Variants in SETDB1 observed in about 807,000 individuals in gnomAD.
The protein encoded by SETDB1 is SET domain bifurcated histone lysine methyltransferase 1.
SETDB1 carries 31 observed loss-of-function variants against 137.4 expected under a neutral mutation model. The observed-to-expected ratio is 0.23, with a 90% CI of 0.17 to 0.30. The LOEUF (loss-of-function observed/expected upper bound fraction) is 0.30, where lower values mean the gene tolerates loss of function less well. Ranked by LOEUF, SETDB1 falls within the 10% of genes least tolerant of loss-of-function variation. The pLI is 1.00. For synonymous variants in SETDB1, 548 were observed against 579.9 expected (o/e 0.95, Z 0.79); for missense variants, 1,113 against 1,631.5 (o/e 0.68, Z 5.47).
intron 7 of SETDB1, among the ~76,000 whole-genome samples, chr1:150,943,419 G>T (rs994087694): frequency 2.0e-5 from 3 of 152,216 alleles, no homozygotes; most frequent in Non-Finnish European, 2.9e-5. Flanking sequence ...TCTCATCCCT[G>T]TAATCTTAGC....
chr1:150,929,220 AGT>A (rs1669644322), intron 2 of SETDB1, among the ~76,000 whole-genome samples: 1 of 152,188 alleles, frequency 6.6e-6, no homozygotes, highest in South Asian at 2.1e-4. Flanking sequence ...ACAGTGTAAA[AGT>A]GTTCCTGTTT....
chr1:150,941,892 A>T (rs1179332851), intron 5 of SETDB1, among the ~76,000 whole-genome samples: 1 of 152,148 alleles, frequency 6.6e-6, no homozygotes, highest in Non-Finnish European at 1.5e-5. Flanking sequence ...CTGTAATCCC[A>T]GCACTTTGGG....
chr1:150,950,347 A>G, intron 12 of SETDB1, 111 bp from the exon 13 acceptor site: 4 of 928,856 alleles, frequency 4.3e-6, no homozygotes, highest in Non-Finnish European at 6.6e-6. Flanking sequence ...CTTTAGCTTC[A>G]GGAGCACAGC....
In SETDB1 at chr1:150,945,066, A is replaced by T; in HGVS notation, c.1098A>T (p.Arg366=). ...GGGAAGGCACGTGGTGGAAGTCCCGAGTTGAGGAGGTGGATGGCAGCCTAG... is the reference window on the plus strand; with the variant it reads ...GGGAAGGCACGTGGTGGAAGTCCCGTGTTGAGGAGGTGGATGGCAGCCTAG... ...TEWEGTWWKS[R]VEEVDGSLVR... Residue 366 remains arginine (R), a synonymous_variant, in exon 9 of 22, where the codon CGA becomes CGT. Transcript: ENST00000692827. The T allele has an allele frequency of 6.2e-7, 1 of 1,614,028 alleles. No individual in the cohort carries two copies.
intron 13 of SETDB1, 43 bp downstream of exon 13, chr1:150,951,133 T>C: frequency 1.3e-6 from 2 of 1,570,146 alleles, no homozygotes; most frequent in Non-Finnish European, 1.7e-6. Flanking sequence ...TCCAACTTTG[T>C]TATGGTGTCT....
chr1:150,963,214 TAAA>T, intron 19 of SETDB1, 75 bp downstream of exon 19: 1 of 1,393,190 alleles, frequency 7.2e-7, no homozygotes, highest in Non-Finnish European at 9.9e-7. Context: ...TTAAGGAAGC[TAAA>T]GAAGTAGTGG....
chr1:150,949,010 C>G (rs1399534065), intron 10 of SETDB1, 112 bp from the exon 11 acceptor site: 2 of 1,105,818 alleles, frequency 1.8e-6, no homozygotes, highest in African/African-American at 3.1e-5. Flanking sequence ...AGAGCCACTG[C>G]GCCCAGCCAT....
Position 150,960,928 on chromosome 1 carries a change from C to T in SETDB1, c.2869C>T (p.His957Tyr), listed in dbSNP as rs1670797368. The stretch of plus-strand genomic sequence containing the variant: ...CCACCCCCCAGATCTTGGACCCCCA[C>T]ATATTCCTGTTCCTCCCTCAATCCC... ...DSHPPDLGPP[H>Y]IPVPPSIPVG... The change falls in exon 16 of 22, where the codon CAT (histidine) becomes TAT (tyrosine). Residue 957 changes from histidine to tyrosine, a missense_variant. Around this residue, in one of 11 missense-constraint regions of SETDB1, gnomAD observed 373 missense variants for 412.7 expected, o/e 0.90. Coordinates refer to ENST00000692827, the MANE Select transcript of SETDB1 (RefSeq NM_001366418.1). 1 of 1,613,576 alleles carries T rather than the reference C, an allele frequency of 6.2e-7. No homozygotes were observed. Among genetic ancestry groups the T allele is most frequent in the Middle Eastern group, 1.7e-4 (1 of 6,060 alleles).
chr1:150,942,017 G>A (rs1226574937), intron 5 of SETDB1, among the ~76,000 whole-genome samples: 1 of 151,866 alleles, frequency 6.6e-6, no homozygotes, highest in Non-Finnish European at 1.5e-5. Context: ...GCGCACGCCT[G>A]TAATCTCAGC....
At chr1:150,946,805 T>A in intron 9 of SETDB1, 81 bp from the exon 10 acceptor site, 1 of 1,510,142 alleles carries the variant, frequency 6.6e-7, no homozygotes, top group Non-Finnish European at 9.1e-7. Flanking sequence ...AGGTGACACA[T>A]GGTATATATC....
Position 150,950,374 on chromosome 1 carries a change from G to C in SETDB1, c.1584-84G>C, listed in dbSNP as rs114341286. 192 of 1,208,922 alleles carry C rather than the reference G, an allele frequency of 1.6e-4. No homozygotes were observed. The African/African-American group carries it at 2.2e-3, about 14-fold the overall frequency. 74.9% of individuals were successfully genotyped at this position (1,208,922 alleles called of 1,614,324 possible). A position where few individuals can be genotyped will look rare whatever the true frequency, so the allele number is the denominator to read the frequency against. On this transcript the variant is annotated intron_variant, in intron 12 of 21. Transcript: ENST00000692827. ...GAGCACAGCTGTTTGAAAGATGAGA[G>C]AAATGGCTTAGCTACCTGGAGGGTT...
intron 16 of SETDB1, 56 bp downstream of exon 16, chr1:150,961,247 A>T: frequency 2.6e-6 from 4 of 1,537,268 alleles, no homozygotes; most frequent in Non-Finnish European, 3.6e-6. Flanking sequence ...TGCAGTAACA[A>T]TGCAGTCTCA....
At chr1:150,951,115 C>T in intron 13 of SETDB1, 25 bp downstream of exon 13, 1 of 1,587,320 alleles carries the variant, frequency 6.3e-7, no homozygotes, top group African/African-American at 1.3e-5. Context: ...GGAATTGCTG[C>T]CCCTGCTTCC....
rs1196529420 is a variant in SETDB1 at position 150,950,961 on chromosome 1, A to G, written c.2087A>G (p.Asn696Ser). The G allele has an allele frequency of 6.2e-7, 1 of 1,614,090 alleles. No homozygotes were observed. Among genetic ancestry groups the G allele is most frequent in the Admixed American group, 1.7e-5 (1 of 60,000 alleles). ...GAAGATGTTCCCCTATCCTGTGTCA[A>G]TGAGATTGACACAACCCCTCCACCC... ...GKEDVPLSCV[N>S]EIDTTPPPQV... Residue 696 changes from asparagine (N) to serine (S), a missense_variant, in exon 13 of 22, where the codon AAT becomes AGT. By Grantham distance (46) the Asn-to-Ser change is conservative. Transcript: ENST00000692827.
At chr1:150,926,707 G>A in intron 1 of SETDB1, 190 bp downstream of exon 1, 1 of 531,656 alleles carries the variant, frequency 1.9e-6, no homozygotes, top group African/African-American at 1.9e-5. Context: ...CTGGTGTGTG[G>A]GCAGAGGAAA....
chr1:150,926,790 T>C, intron 1 of SETDB1: 1 of 533,482 alleles, frequency 1.9e-6, no homozygotes, highest in Non-Finnish European at 3.8e-6. Flanking sequence ...GTGTGAAGTA[T>C]TTGGATTGTG....
intron 10 of SETDB1, 105 bp downstream of exon 10, chr1:150,947,117 A>C: frequency 9.3e-5 from 125 of 1,336,992 alleles, no homozygotes; most frequent in Non-Finnish European, 1.2e-4. Context: ...CTGTATACTC[A>C]TTGGAAACAG....
chr1:150,958,424 T>C (rs587723992), intron 14 of SETDB1, among the ~76,000 whole-genome samples: 1 of 151,628 alleles, frequency 6.6e-6, no homozygotes, highest in African/African-American at 2.4e-5. Flanking sequence ...GCTAATTTTT[T>C]AATTTTTATT....
At chr1:150,954,079 C>T (rs1267824103) in intron 14 of SETDB1, among the ~76,000 whole-genome samples, 1 of 152,074 alleles carries the variant, frequency 6.6e-6, no homozygotes, top group Non-Finnish European at 1.5e-5. Flanking sequence ...TGGTCTCTAT[C>T]TCCTGACCTC....
Sources: allele counts gnomAD v4.1 joint callset (sites outside exome capture counted in the v4.1 genomes callset), GRCh38; gene constraint gnomAD v4.1.1; regional missense constraint gnomAD v4.1.1; transcripts MANE v1.5; gene names NCBI Gene and HGNC (gene_info 2026-07-23, HGNC 2026-07-21).